RAP1GAP2: variants seen among roughly 807,000 people sequenced by gnomAD.
RAP1GAP2 encodes the protein RAP1 GTPase activating protein 2.
RAP1GAP2 carries 27 observed loss-of-function variants against 95.0 expected under a neutral mutation model. That is an observed-to-expected ratio of 0.28 (90% CI 0.21 to 0.39). The LOEUF is 0.39. Ranked by LOEUF, RAP1GAP2 falls within the 10% of genes least tolerant of loss-of-function variation. The pLI, the probability that RAP1GAP2 is intolerant of heterozygous loss-of-function variation, is 1.00. For synonymous variants in RAP1GAP2, 373 were observed against 380.9 expected (o/e 0.98, Z 0.24); for missense variants, 771 against 970.0 (o/e 0.79, Z 2.72).
rs565849573 is a variant in RAP1GAP2 at position 2,938,117 on chromosome 17, C to T, written c.166-19642C>T. On this transcript the variant is annotated intron_variant, in intron 3 of 24. Coordinates refer to ENST00000254695, the MANE Select transcript of RAP1GAP2 (RefSeq NM_015085.5). ...CAATCCCCATTGACAGAGGACATTT[C>T]GTGTCTCACCTTGCTCTGGACACAG... Among the ~76,000 whole-genome samples the T allele has an allele frequency of 7.9e-5, 12 of 152,292 alleles. No individual in the cohort carries two copies. In the South Asian group the frequency reaches 2.5e-3, roughly 32 times the overall value.
intron 2 of RAP1GAP2, among the ~76,000 whole-genome samples, chr17:2,869,113 C>T (rs2072736726): frequency 6.6e-6 from 1 of 152,150 alleles, no homozygotes; most frequent in South Asian, 2.1e-4. Flanking sequence ...ACCCAATCAC[C>T]TCCCAAAGGC....
chr17:3,008,414 C>A lies in RAP1GAP2; in HGVS notation c.1494+269C>A, dbSNP rs776904893. Reference sequence around the variant, plus strand: ...GGCCCAGAAGTCTGTTAAGCAGGGACAGGTAAAGAGGTAGCAGTAGGAGAG... The same window carrying A: ...GGCCCAGAAGTCTGTTAAGCAGGGAAAGGTAAAGAGGTAGCAGTAGGAGAG... On this transcript the variant is annotated intron_variant, in intron 17 of 24. Transcript: ENST00000254695. The surrounding 1 kb of genome is among the most constrained non-coding windows in gnomAD (Gnocchi z 4.2). Among the ~76,000 whole-genome samples the A allele has an allele frequency of 1.7e-4, 26 of 152,202 alleles. No individual in the cohort carries two copies. The highest frequency in any genetic ancestry group is 3.1e-4 in the Non-Finnish European group (21 of 68,044).
intron 11 of RAP1GAP2, among the ~76,000 whole-genome samples, chr17:2,987,691 A>G (rs915810599): frequency 6.6e-6 from 1 of 152,152 alleles, no homozygotes; most frequent in Non-Finnish European, 1.5e-5. Flanking sequence ...GAAATTTTAT[A>G]TCACTCCTCT....
intron 2 of RAP1GAP2, among the ~76,000 whole-genome samples, chr17:2,892,981 A>G (rs1463853914): frequency 6.6e-6 from 1 of 150,740 alleles, no homozygotes; most frequent in East Asian, 1.9e-4. Flanking sequence ...ACTTTTTGGG[A>G]GATTTCCTCA....
chr17:2,985,703 C>T (rs540274633), intron 11 of RAP1GAP2, among the ~76,000 whole-genome samples: 2 of 152,294 alleles, frequency 1.3e-5, no homozygotes, highest in African/African-American at 4.8e-5. Context: ...CCATGTTTCT[C>T]AAAGTGTGTT....
intron 12 of RAP1GAP2, among the ~76,000 whole-genome samples, chr17:2,992,487 A>G (rs1265686376): frequency 1.3e-5 from 2 of 152,158 alleles, no homozygotes; most frequent in Non-Finnish European, 2.9e-5. Context: ...AGTGGGCAGT[A>G]AGATAGAACA....
intron 3 of RAP1GAP2, among the ~76,000 whole-genome samples, chr17:2,921,046 T>G (rs1020353415): frequency 4.6e-5 from 7 of 152,172 alleles, no homozygotes; most frequent in African/African-American, 1.2e-4. Flanking sequence ...CCCGCTGGCT[T>G]CTTCTCCCGG....
rs1567760445 is a variant in RAP1GAP2, at chr17:2,903,534, C to T, written c.81-1750C>T. Among the ~76,000 whole-genome samples, 2 of 152,212 alleles carry T rather than the reference C, an allele frequency of 1.3e-5. No homozygotes were observed. Among genetic ancestry groups the T allele is most frequent in the Non-Finnish European group, 2.9e-5 (2 of 68,040 alleles). ...CACACACCTAGGAGCTATCTCAGCC[C>T]TGCTGGTTTCTTGAGCCAGTTACAG... On this transcript the variant is annotated intron_variant, in intron 2 of 24. Coordinates refer to ENST00000254695, the MANE Select transcript of RAP1GAP2 (RefSeq NM_015085.5). This position sits in a 1 kb window ranked among gnomAD's most constrained non-coding sequence, Gnocchi z 4.1.
chr17:2,849,253 T>C (rs2071720119), intron 2 of RAP1GAP2, among the ~76,000 whole-genome samples: 1 of 152,106 alleles, frequency 6.6e-6, no homozygotes, highest in African/African-American at 2.4e-5. Flanking sequence ...GGCCCCACCC[T>C]CCTTGCTCCA....
At chr17:2,937,847 C>T (rs1394457440) in intron 3 of RAP1GAP2, among the ~76,000 whole-genome samples, 1 of 152,260 alleles carries the variant, frequency 6.6e-6, no homozygotes, top group East Asian at 1.9e-4. Context: ...TTTAAGCCCC[C>T]GGGGATGGAC....
At chr17:2,939,857 C>T (rs149826302) in intron 3 of RAP1GAP2, among the ~76,000 whole-genome samples, 4,352 of 152,352 alleles carry the variant, frequency 0.029, 77 homozygotes, top group Non-Finnish European at 0.041. Flanking sequence ...AAAACGCCCG[C>T]GGCAGAGGAC....
chr17:2,932,536 T>C (rs11868315), intron 3 of RAP1GAP2, among the ~76,000 whole-genome samples: 1 of 143,778 alleles, frequency 7.0e-6, no homozygotes, highest in Non-Finnish European at 1.5e-5. Context: ...TTATTTATTA[T>C]ATCGCGCCAC....
intron 8 of RAP1GAP2, among the ~76,000 whole-genome samples, chr17:2,967,333 T>C (rs1316763783): frequency 6.6e-6 from 1 of 152,086 alleles, no homozygotes; most frequent in Non-Finnish European, 1.5e-5. Flanking sequence ...ATCGCACCAC[T>C]GCACTCCAGC....
At chr17:2,769,667 T>A (rs903017415) in intron 1 of RAP1GAP2, among the ~76,000 whole-genome samples, 2 of 152,220 alleles carry the variant, frequency 1.3e-5, no homozygotes, top group Non-Finnish European at 2.9e-5. Context: ...GATGGACACT[T>A]GCCTGATGCC....
rs142287509 is a variant in RAP1GAP2 at position 2,797,498 on chromosome 17, C to T, written c.44+927C>T. 2.8e-3 allele frequency among the ~76,000 whole-genome samples: 411 copies of T among 149,020 alleles called. 2 individuals are homozygous for T. The highest frequency in any genetic ancestry group is 9.1e-3 in the African/African-American group (366 of 40,110). On this transcript the variant is annotated intron_variant, in intron 1 of 24. Transcript: ENST00000254695. The surrounding 1 kb of genome is among the most constrained non-coding windows in gnomAD (Gnocchi z 5.6). ...GGGAGAGGGCCCCGCGGGAGGTGGCCGGGGGGTGTCCCGGTGTGGAAAATG... is the reference window on the plus strand; with the variant it reads ...GGGAGAGGGCCCCGCGGGAGGTGGCTGGGGGGTGTCCCGGTGTGGAAAATG...
intron 2 of RAP1GAP2, among the ~76,000 whole-genome samples, chr17:2,828,946 T>TG (rs547559420): frequency 8.2e-5 from 12 of 145,624 alleles, no homozygotes; most frequent in East Asian, 4.1e-4. Flanking sequence ...CATTGCTCCC[T>TG]GGGGGGGCAG....
At chr17:2,993,951 G>A (rs921582872) in intron 12 of RAP1GAP2, among the ~76,000 whole-genome samples, 4 of 151,758 alleles carry the variant, frequency 2.6e-5, no homozygotes, top group Non-Finnish European at 5.9e-5. Flanking sequence ...AGGCTGAGGC[G>A]AGGAGGATCG....
At chr17:2,984,678 A>T (rs374597307) in intron 10 of RAP1GAP2, among the ~76,000 whole-genome samples, 4 of 152,236 alleles carry the variant, frequency 2.6e-5, no homozygotes, top group African/African-American at 9.6e-5. Context: ...ATTCAACACT[A>T]GGGTTAAGTA....
rs141497942 is a variant in RAP1GAP2 at position 2,804,512 on chromosome 17, G to A, written c.80+3962G>A. Among the ~76,000 whole-genome samples, 307 of 152,222 alleles carry A rather than the reference G, an allele frequency of 2.0e-3. 1 individual carries two copies. Among genetic ancestry groups the A allele is most frequent in the African/African-American group, 6.9e-3 (286 of 41,536 alleles). ...TGAGTGGTTCTCACACCTGCCTCCCGCCCTACTTTCCCATATTCTTTCCCT... is the reference window on the plus strand; with the variant it reads ...TGAGTGGTTCTCACACCTGCCTCCCACCCTACTTTCCCATATTCTTTCCCT... On this transcript the variant is annotated intron_variant, in intron 2 of 24. Transcript: ENST00000254695.
Sources: gnomAD v4.1 joint callset for allele counts (sites outside exome capture counted in the v4.1 genomes callset) on GRCh38, gnomAD v4.1.1 for gene constraint, Gnocchi (gnomAD v3.1) non-coding constraint, MANE v1.5 for transcripts, NCBI Gene and HGNC (gene_info 2026-07-23, HGNC 2026-07-21) for gene names.